Variants in DNAJB6 observed in about 807,000 individuals in gnomAD.
DNAJB6 encodes dnaJ homolog subfamily B member 6.
DNAJB6 carries 16 observed loss-of-function variants against 42.7 expected under a neutral mutation model. That is an observed-to-expected ratio of 0.37 (90% CI 0.25 to 0.57). The LOEUF (loss-of-function observed/expected upper bound fraction) is 0.57. Ranked by LOEUF, DNAJB6 falls within the 20% of genes least tolerant of loss-of-function variation. The pLI is 0.74. For missense variants in DNAJB6, 347 were observed against 416.8 expected, an observed-to-expected ratio of 0.83 and a Z score of 1.46; for synonymous variants, 170 against 163.5, an observed-to-expected ratio of 1.04 and a Z score of -0.30.
intron 8 of DNAJB6, among the ~76,000 whole-genome samples, chr7:157,394,696 C>G (rs533475911): frequency 6.0e-4 from 92 of 152,246 alleles, no homozygotes; most frequent in Non-Finnish European, 9.9e-4. Flanking sequence ...TTGGGATTTG[C>G]CCATCATGAG....
intron 3 of DNAJB6, among the ~76,000 whole-genome samples, chr7:157,363,669 G>A (rs1182594694): frequency 6.6e-6 from 1 of 152,172 alleles, no homozygotes; most frequent in Non-Finnish European, 1.5e-5. Flanking sequence ...AGTGGAGTCA[G>A]CTTTACTGCT....
chr7:157,354,064 A>T (rs903949187), intron 1 of DNAJB6, among the ~76,000 whole-genome samples: 1 of 152,120 alleles, frequency 6.6e-6, no homozygotes, highest in Non-Finnish European at 1.5e-5. Context: ...ATTGACCTGT[A>T]CTTTATAGCT....
chr7:157,364,118 A>G (rs909529273), intron 3 of DNAJB6, among the ~76,000 whole-genome samples: 3 of 150,888 alleles, frequency 2.0e-5, no homozygotes, highest in Non-Finnish European at 4.4e-5. Flanking sequence ...TTTTTTTTTT[A>G]AAGAACCCAA....
At chr7:157,337,454 C>T (rs544902763) in intron 1 of DNAJB6, 3 of 152,432 alleles carry the variant, frequency 2.0e-5, no homozygotes, top group Non-Finnish European at 4.4e-5. Flanking sequence ...GGGGCCCGGC[C>T]TGGGAGCGGC....
chr7:157,399,949 G>C (rs1019110092), intron 8 of DNAJB6, among the ~76,000 whole-genome samples: 1 of 152,160 alleles, frequency 6.6e-6, no homozygotes, highest in Non-Finnish European at 1.5e-5. Flanking sequence ...GATGACAGAC[G>C]TGAGCCGCCG....
chr7:157,384,745 T>G, intron 6 of DNAJB6, 122 bp from the exon 7 acceptor site: 122 of 941,070 alleles, frequency 1.3e-4, no homozygotes, highest in Middle Eastern at 3.5e-4. Flanking sequence ...GTTGCGTCGT[T>G]TATTACTCCT....
chr7:157,341,931 A>C (rs1330358295), intron 1 of DNAJB6, among the ~76,000 whole-genome samples: 1 of 152,124 alleles, frequency 6.6e-6, no homozygotes, highest in African/African-American at 2.4e-5. Flanking sequence ...CAGTGTCGCG[A>C]TCTTGGCTCA....
chr7:157,342,189 A>T (rs1450937952), intron 1 of DNAJB6, among the ~76,000 whole-genome samples: 1 of 142,138 alleles, frequency 7.0e-6, no homozygotes. Context: ...TTTTTTTGAG[A>T]CAGGGTCTCA....
Position 157,416,280 on chromosome 7 carries a change from G to T in DNAJB6, c.*182G>T, listed in dbSNP as rs1042165524. ...GGTCAGGAGACGGGGCTGACGGCAC[G>T]GGTGGCGGGGACAGACGTTTGGGAC... is the stretch of plus-strand genomic sequence containing the variant. On this transcript the variant is annotated 3_prime_UTR_variant, in exon 10 of 10. Coordinates refer to ENST00000262177, the MANE Select transcript of DNAJB6 (RefSeq NM_058246.4). The T allele has an allele frequency of 6.5e-5, 58 of 895,956 alleles. No homozygotes were observed. In the Admixed American group the frequency reaches 1.5e-3, roughly 24 times the overall value. 55.5% of individuals were successfully genotyped at this position (895,956 alleles called of 1,614,324 possible). A position where few individuals can be genotyped will look rare whatever the true frequency, so the allele number is the denominator to read the frequency against.
At chr7:157,341,756 CTT>C (rs138673153) in intron 1 of DNAJB6, among the ~76,000 whole-genome samples, 1,680 of 152,268 alleles carry the variant, frequency 0.011, 30 homozygotes, top group East Asian at 0.06. Flanking sequence ...GAATTAGATT[CTT>C]TCTAGTTTGT....
intron 5 of DNAJB6, among the ~76,000 whole-genome samples, chr7:157,373,227 A>G (rs1178750738): frequency 2.0e-5 from 3 of 152,244 alleles, no homozygotes; most frequent in East Asian, 3.8e-4. Flanking sequence ...TTTGGGGACC[A>G]TGATTCAACC....
At chr7:157,359,411 A>G (rs1342092165) in intron 2 of DNAJB6, among the ~76,000 whole-genome samples, 1 of 152,172 alleles carries the variant, frequency 6.6e-6, no homozygotes, top group Non-Finnish European at 1.5e-5. Context: ...CAGAGTCTCA[A>G]TATGTTGCTC....
At chr7:157,402,092 A>G (rs1323729819) in intron 8 of DNAJB6, among the ~76,000 whole-genome samples, 1 of 151,564 alleles carries the variant, frequency 6.6e-6, no homozygotes, top group African/African-American at 2.4e-5. Context: ...CTTCTGCCGC[A>G]CTCCGCATTG....
intron 1 of DNAJB6, among the ~76,000 whole-genome samples, chr7:157,352,952 T>C (rs749657864): frequency 3.3e-5 from 5 of 152,158 alleles, no homozygotes; most frequent in Non-Finnish European, 7.3e-5. Context: ...AATCCTTGAT[T>C]CTTAGTGCTT....
At chr7:157,362,400 G>A (rs752968699) in intron 2 of DNAJB6, among the ~76,000 whole-genome samples, 1 of 152,072 alleles carries the variant, frequency 6.6e-6, no homozygotes, top group Non-Finnish European at 1.5e-5. Context: ...TTGAGACGGA[G>A]TTTCGCTCTT....
chr7:157,397,051 CCT>C (rs1206519429), intron 8 of DNAJB6, among the ~76,000 whole-genome samples: 1 of 152,220 alleles, frequency 6.6e-6, no homozygotes, highest in African/African-American at 2.4e-5. Flanking sequence ...TGTCCACACC[CCT>C]CTCACCGATG....
chr7:157,398,451 TCTGCAGG>T (rs1801699886), intron 8 of DNAJB6, among the ~76,000 whole-genome samples: 2 of 152,250 alleles, frequency 1.3e-5, no homozygotes, highest in African/African-American at 4.8e-5. Context: ...CGTGTTTTTA[TCTGCAGG>T]AGTTTGTTTT....
chr7:157,372,530 A>T (rs1800267500), intron 5 of DNAJB6, among the ~76,000 whole-genome samples: 1 of 152,230 alleles, frequency 6.6e-6, no homozygotes, highest in Admixed American at 6.5e-5. Context: ...AAAACAGTGT[A>T]TCTAGAATAA....
At chr7:157,394,333 A>G (rs1377049846) in intron 8 of DNAJB6, among the ~76,000 whole-genome samples, 2 of 152,124 alleles carry the variant, frequency 1.3e-5, no homozygotes, top group Non-Finnish European at 2.9e-5. Context: ...ATTTTTTTCT[A>G]TCTTGCTTAA....
Sources: gnomAD v4.1 joint callset for allele counts (sites outside exome capture counted in the v4.1 genomes callset) on GRCh38, gnomAD v4.1.1 for gene constraint, MANE v1.5 for transcripts, NCBI Gene and HGNC (gene_info 2026-07-23, HGNC 2026-07-21) for gene names.